NLRP12: variants seen among roughly 807,000 people sequenced by gnomAD.
NLRP12 encodes the protein NACHT, LRR and PYD domains-containing protein 12.
In NLRP12, 108 loss-of-function variants were observed where a neutral mutation model predicts 91.2. The ratio of observed to expected loss-of-function variants is 1.18; its 90% CI spans 1.01 to 1.39. NLRP12 has a LOEUF of 1.39. Among genes scored for constraint, NLRP12 ranks in the 40% most tolerant of loss-of-function variants. NLRP12 has a pLI of 0.00. For missense variants in NLRP12, 1,530 were observed against 1,352.7 expected, an observed-to-expected ratio of 1.13 and a Z score of -2.06; for synonymous variants, 613 against 566.7, an observed-to-expected ratio of 1.08 and a Z score of -1.16.
In NLRP12 at chr19:53,807,553, C is replaced by A. The variant is rs139938997; in HGVS notation, c.2185G>T (p.Gly729Trp). 61 of 1,614,004 alleles carry A rather than the reference C, an allele frequency of 3.8e-5. No individual in the cohort carries two copies. The highest frequency in any genetic ancestry group is 3.3e-4 in the Middle Eastern group (2 of 6,084). ...SLYRNALGSRGVKLLCQGLRH... is the reference protein window; with the variant it reads ...SLYRNALGSRWVKLLCQGLRH... ...AGTCCTTGACAGAGCAGCTTCACCCCCCGGCTGCCCAGGGCATTTCGGTAC... is the reference window on the plus strand; with the variant it reads ...AGTCCTTGACAGAGCAGCTTCACCCACCGGCTGCCCAGGGCATTTCGGTAC... The change falls in exon 4 of 10, where the codon GGG (glycine) becomes TGG (tryptophan). Residue 729 changes from glycine (G) to tryptophan (W), a missense_variant. Gly to Trp is a radical substitution (Grantham distance 184, BLOSUM62 -2). Transcript: ENST00000324134.
intron 6 of NLRP12, among the ~76,000 whole-genome samples, chr19:53,803,070 T>C (rs1428494997): frequency 2.0e-5 from 3 of 152,058 alleles, no homozygotes; most frequent in Non-Finnish European, 2.9e-5. Context: ...TTTTGATCCA[T>C]GGTTGATGAA....
rs770685725 is a variant in NLRP12, at chr19:53,811,232, G to T, written c.427C>A (p.Arg143Ser). Residue 143 changes from arginine (R) to serine (S), a missense_variant, in exon 3 of 10, where the codon CGC (arginine) becomes AGC (serine). Physicochemically the swap from Arg to Ser is moderately radical, Grantham distance 110. Transcript: ENST00000324134. Reference protein sequence around the residue: ...VRRKFRLMEDRNARLGECVNL... With the variant: ...VRRKFRLMEDSNARLGECVNL... ...ACACATTCCCCTAGGCGCGCATTGC[G>T]GTCTTCCATGAGCCGGAATTTCCTG... 1 of 1,613,928 alleles carries T rather than the reference G, an allele frequency of 6.2e-7. No individual in the cohort carries two copies. The highest frequency in any genetic ancestry group is 1.3e-5 in the African/African-American group (1 of 74,902).
rs1450986233 is a variant in NLRP12, at chr19:53,823,397, T to TATATATTTAAAAC, written c.289+488_289+489insGTTTTAAATATAT. ...AATATAATTATATACATATTTTAAATATATATTTAAAATATATGTTTTAAA... is the reference window on the plus strand; with the variant it reads ...AATATAATTATATACATATTTTAAATATATATTTAAAACATATATTTAAAATATATGTTTTAAA... On this transcript the variant is annotated intron_variant, in intron 1 of 9. Coordinates refer to ENST00000324134, the MANE Select transcript of NLRP12 (RefSeq NM_144687.4). Among the ~76,000 whole-genome samples, 445 of 133,386 alleles carry TATATATTTAAAAC rather than the reference T, an allele frequency of 3.3e-3. 2 individuals carry two copies. Among genetic ancestry groups the TATATATTTAAAAC allele is most frequent in the African/African-American group, 0.012 (421 of 35,622 alleles). 87.5% of individuals were successfully genotyped at this position (133,386 alleles called of 152,430 possible).
intron 9 of NLRP12, 118 bp downstream of exon 9, chr19:53,795,741 T>C: frequency 1.1e-6 from 1 of 875,022 alleles, no homozygotes; most frequent in Non-Finnish European, 1.9e-6. Context: ...GCCTCATCTG[T>C]ATGCCCCCTA....
intron 9 of NLRP12, among the ~76,000 whole-genome samples, chr19:53,794,447 G>A: frequency 6.6e-6 from 1 of 150,602 alleles, no homozygotes; most frequent in African/African-American, 2.4e-5. Flanking sequence ...AGCCTCCCCA[G>A]TAGCTGGGAC....
At chr19:53,803,866 G>T in intron 6 of NLRP12, 86 bp downstream of exon 6, 1 of 1,371,174 alleles carries the variant, frequency 7.3e-7, no homozygotes, top group Non-Finnish European at 1.0e-6. Context: ...GAGCCACTGC[G>T]CCCGACCTGT....
At chr19:53,814,116 C>A (rs772713953) in intron 2 of NLRP12, among the ~76,000 whole-genome samples, 1 of 152,168 alleles carries the variant, frequency 6.6e-6, no homozygotes, top group Non-Finnish European at 1.5e-5. Context: ...TTCTTCCCTG[C>A]CAGCAAACCT....
intron 7 of NLRP12, 124 bp downstream of exon 7, chr19:53,801,103 A>G (rs1055159732): frequency 6.7e-6 from 6 of 890,164 alleles, no homozygotes; most frequent in Non-Finnish European, 1.0e-5. Flanking sequence ...TCAAAAAAAA[A>G]AAAAAAAGGC....
intron 1 of NLRP12, among the ~76,000 whole-genome samples, chr19:53,822,143 A>G (rs2092271245): frequency 6.6e-6 from 1 of 152,184 alleles, no homozygotes; most frequent in African/African-American, 2.4e-5. Flanking sequence ...ACTATGTTCA[A>G]GTACCTGCAT....
chr19:53,823,511 A>ATATTTTAAATATATATAT (rs376806458), intron 1 of NLRP12, among the ~76,000 whole-genome samples: 10 of 52,838 alleles, frequency 1.9e-4, no homozygotes, highest in African/African-American at 6.8e-4. Flanking sequence ...TAAAATATAT[A>ATATTTTAAATATATATAT]TTTAAAACAT....
chr19:53,802,762 C>G (rs1284251844), intron 6 of NLRP12, among the ~76,000 whole-genome samples: 1 of 151,742 alleles, frequency 6.6e-6, no homozygotes, highest in Non-Finnish European at 1.5e-5. Flanking sequence ...ATGTATTTTA[C>G]CACAATTAAA....
chr19:53,817,596 C>T (rs1054606320), intron 1 of NLRP12, among the ~76,000 whole-genome samples: 72 of 151,154 alleles, frequency 4.8e-4, no homozygotes, highest in African/African-American at 1.4e-3. Flanking sequence ...ATTAGCTGGG[C>T]GTGGTGGCAG....
Position 53,810,206 on chromosome 19 carries a change from C to CGCGG in NLRP12, c.1452_1453insCCGC (p.Gly485ProfsTer24). 6.2e-7 allele frequency: 1 copy of CGCGG among 1,614,180 alleles called. No individual in the cohort carries two copies. Among genetic ancestry groups the CGCGG allele is most frequent in the South Asian group, 1.1e-5 (1 of 91,088 alleles). Reference sequence around the variant, plus strand: ...GCAGAGACGTCTTCCCCGTCTAGGCCGTGCTTCCGGAGGTCCTGCTCCTCA... The same window carrying CGCGG: ...GCAGAGACGTCTTCCCCGTCTAGGCCGCGGGTGCTTCCGGAGGTCCTGCTCCTCA... On this transcript the variant is annotated frameshift_variant, in exon 3 of 10. Coordinates refer to ENST00000324134, the MANE Select transcript of NLRP12 (RefSeq NM_144687.4). LOFTEE classifies it high-confidence loss of function.
chr19:53,810,716 C>A lies in NLRP12; in HGVS notation c.943G>T (p.Glu315Ter), dbSNP rs766680396. 1 of 1,613,994 alleles carries A rather than the reference C, an allele frequency of 6.2e-7. No homozygotes were observed. Residue 315 changes from glutamate to a stop codon, truncating the protein, a stop_gained, in exon 3 of 10, where the codon GAG (glutamate) becomes TAG (stop). Coordinates refer to ENST00000324134, the MANE Select transcript of NLRP12 (RefSeq NM_144687.4). LOFTEE classifies it high-confidence loss of function. The stretch of plus-strand genomic sequence containing the variant: ...AGCAGCTCCGTGGGCCGTTTCTCCT[C>A]CCAGCAGAGGCACCAGGGTCCCTGA... ...DPQGPWCLCW[E>*]EKRPTELLLN... is the part of the protein sequence containing the mutation.
chr19:53,799,654 TA>T (rs2091834756), intron 7 of NLRP12, among the ~76,000 whole-genome samples: 1 of 152,014 alleles, frequency 6.6e-6, no homozygotes, highest in African/African-American at 2.4e-5. Flanking sequence ...GGCTAATTTT[TA>T]TATTTTTAGT....
Position 53,823,898 on chromosome 19 carries a change from CCT to C in NLRP12, c.275_276del (p.Glu92GlyfsTer100). The C allele has an allele frequency of 1.2e-6, 2 of 1,613,968 alleles. No homozygotes were observed. The highest frequency in any genetic ancestry group is 1.1e-5 in the South Asian group (1 of 91,066). On this transcript the variant is annotated frameshift_variant, in exon 1 of 10. Transcript: ENST00000324134. LOFTEE classifies it high-confidence loss of function. ...RKDLWERGQR[E>X]DLVRDTPPGG... ...GCCACCTCCTTACCCCTCACCAGGT[CCT>C]CTCTCTGTCCTCTCTCCCACAGGTC...
chr19:53,819,543 A>ATATATG lies in NLRP12; in HGVS notation c.289+4342_289+4343insCATATA, dbSNP rs1555799040. Among the ~76,000 whole-genome samples the ATATATG allele has an allele frequency of 6.2e-3, 193 of 31,190 alleles. 64 individuals are homozygous for ATATATG. The highest frequency in any genetic ancestry group is 0.017 in the African/African-American group (142 of 8,440). The allele number at this position is 31,190 out of a possible 152,430, so 20.5% of individuals were successfully genotyped here. ...TGTATATATGTGTGTATGTATACGT[A>ATATATG]TATATATGTATGTATACGTATATAT... is the stretch of plus-strand genomic sequence containing the variant. On this transcript the variant is annotated intron_variant, in intron 1 of 9. Transcript: ENST00000324134.
At chr19:53,804,726 A>G (rs919249548) in intron 5 of NLRP12, among the ~76,000 whole-genome samples, 1 of 147,376 alleles carries the variant, frequency 6.8e-6, no homozygotes, top group Admixed American at 6.8e-5. Context: ...CTGGCTAATT[A>G]AAAAAAAAAA....
chr19:53,807,983 C>T (rs777713513), intron 3 of NLRP12: 6 of 370,966 alleles, frequency 1.6e-5, no homozygotes, highest in Non-Finnish European at 2.6e-5. Context: ...CTCCTGACCT[C>T]AGGTGATCTG....
Sources: allele counts gnomAD v4.1 joint callset (sites outside exome capture counted in the v4.1 genomes callset), GRCh38; gene constraint gnomAD v4.1.1; transcripts MANE v1.5; gene names NCBI Gene and HGNC (gene_info 2026-07-23, HGNC 2026-07-21).